The following BACH2 variants were observed in gnomAD, a reference collection of about 807,000 sequenced individuals.
BACH2 encodes the protein BACH transcriptional regulator 2.
In BACH2, 5 loss-of-function variants were observed where a neutral mutation model predicts 61.8. The observed-to-expected ratio is 0.08, with a 90% CI of 0.04 to 0.17. The LOEUF is 0.17. Ranked by LOEUF, BACH2 falls within the 10% of genes least tolerant of loss-of-function variation. The pLI is 1.00. For missense variants in BACH2, 824 were observed against 1,091.1 expected (o/e 0.76, Z 3.45); for synonymous variants, 446 against 440.1 (o/e 1.01, Z -0.17).
At chr6:90,271,546 C>A (rs539960873) in intron 2 of BACH2, among the ~76,000 whole-genome samples, 13 of 152,054 alleles carry the variant, frequency 8.5e-5, no homozygotes, top group Non-Finnish European at 1.0e-4. Context: ...AGCTAATAAA[C>A]TAATTTAAAA....
intron 6 of BACH2, among the ~76,000 whole-genome samples, chr6:89,993,404 T>A (rs1473107270): frequency 3.3e-5 from 5 of 152,160 alleles, no homozygotes; most frequent in Admixed American, 6.5e-5. Flanking sequence ...CTCAGTCTGA[T>A]AAACTGTGAT....
chr6:90,207,131 T>C (rs1769173278), intron 3 of BACH2, among the ~76,000 whole-genome samples: 1 of 151,988 alleles, frequency 6.6e-6, no homozygotes, highest in Non-Finnish European at 1.5e-5. Flanking sequence ...TTGTTTTTGT[T>C]TTTTTGGCAT....
chr6:90,004,296 T>C (rs1476355582), intron 6 of BACH2, among the ~76,000 whole-genome samples: 2 of 152,072 alleles, frequency 1.3e-5, no homozygotes, highest in Non-Finnish European at 2.9e-5. Context: ...CCCAAAATGT[T>C]GAGTGAGAGA....
intron 4 of BACH2, among the ~76,000 whole-genome samples, chr6:90,151,101 T>A (rs1050620921): frequency 1.3e-5 from 2 of 152,228 alleles, no homozygotes; most frequent in African/African-American, 4.8e-5. Context: ...CTACTCAGTG[T>A]TGACTAGCAT....
In BACH2 at chr6:89,966,673, G is replaced by A. The variant is rs376613937; in HGVS notation, c.244-14811C>T. Among the ~76,000 whole-genome samples, 26 of 152,278 alleles carry A rather than the reference G, an allele frequency of 1.7e-4. No individual in the cohort carries two copies. The East Asian group carries it at 2.1e-3, about 12-fold the overall frequency. ...CAAGGGAGGAAATGAAACGGGAGCC[G>A]ATACCATCTATCAGCACAGCCATGG... On this transcript the variant is annotated intron_variant, in intron 6 of 8. Coordinates refer to ENST00000257749, the MANE Select transcript of BACH2 (RefSeq NM_021813.4).
chr6:90,137,618 C>A (rs1784318143), intron 4 of BACH2, among the ~76,000 whole-genome samples: 1 of 152,214 alleles, frequency 6.6e-6, no homozygotes, highest in Non-Finnish European at 1.5e-5. Flanking sequence ...TCTGGACAAA[C>A]ACATTCTTAT....
intron 5 of BACH2, among the ~76,000 whole-genome samples, chr6:90,045,347 G>T (rs1779727086): frequency 6.6e-6 from 1 of 152,126 alleles, no homozygotes; most frequent in Non-Finnish European, 1.5e-5. Flanking sequence ...CACTTTTCTG[G>T]GTGAGCATCT....
intron 2 of BACH2, among the ~76,000 whole-genome samples, chr6:90,262,991 TACA>T (rs1249712632): frequency 1.3e-5 from 2 of 152,014 alleles, no homozygotes; most frequent in East Asian, 1.9e-4. Context: ...CAGAAAAGAG[TACA>T]ACAATTATTT....
chr6:89,965,527 T>C (rs1775003234), intron 6 of BACH2, among the ~76,000 whole-genome samples: 1 of 152,200 alleles, frequency 6.6e-6, no homozygotes, highest in Admixed American at 6.5e-5. Context: ...CCCCACTCCA[T>C]CACTTTCAAT....
chr6:90,118,824 G>T (rs535510885), intron 4 of BACH2, among the ~76,000 whole-genome samples: 2 of 152,240 alleles, frequency 1.3e-5, no homozygotes, highest in Admixed American at 6.5e-5. Flanking sequence ...AGTCATTAAG[G>T]CGTGGGAGCT....
chr6:90,081,509 A>G (rs1289481257), intron 5 of BACH2, among the ~76,000 whole-genome samples: 1 of 152,176 alleles, frequency 6.6e-6, no homozygotes, highest in Admixed American at 6.6e-5. Flanking sequence ...ACCTGAATTG[A>G]GCACATTCAT....
At chr6:90,187,282 T>C (rs1768393713) in intron 4 of BACH2, among the ~76,000 whole-genome samples, 1 of 152,242 alleles carries the variant, frequency 6.6e-6, no homozygotes, top group Non-Finnish European at 1.5e-5. Context: ...CGGAAGTATC[T>C]GTCAAAGTAA....
At chr6:90,061,338 G>C (rs180915609) in intron 5 of BACH2, among the ~76,000 whole-genome samples, 7 of 152,284 alleles carry the variant, frequency 4.6e-5, no homozygotes, top group Admixed American at 2.6e-4. Flanking sequence ...CAGGATCCCT[G>C]GTTGATGGCT....
At position 90,242,135 on chromosome 6, in the gene BACH2, CTCTT is replaced by C. The variant is rs368587678; in HGVS notation, c.-275+10374_-275+10377del. On this transcript the variant is annotated intron_variant, in intron 3 of 8. Coordinates refer to ENST00000257749, the MANE Select transcript of BACH2 (RefSeq NM_021813.4). ...TCAATATAGTTTACATAAGAGTTCACTCTTTATGTTACACAGTTGTATGGGTTTT... is the reference window on the plus strand; with the variant it reads ...TCAATATAGTTTACATAAGAGTTCACTATGTTACACAGTTGTATGGGTTTT... Among the ~76,000 whole-genome samples, 136 of 152,278 alleles carry C rather than the reference CTCTT, an allele frequency of 8.9e-4. 1 individual carries two copies. The highest frequency in any genetic ancestry group is 3.2e-3 in the African/African-American group (132 of 41,554).
At chr6:90,274,982 C>G (rs781737945) in intron 1 of BACH2, among the ~76,000 whole-genome samples, 2 of 152,184 alleles carry the variant, frequency 1.3e-5, no homozygotes, top group Non-Finnish European at 2.9e-5. Flanking sequence ...GTCACTGGGT[C>G]CAAACGCAGG....
intron 1 of BACH2, among the ~76,000 whole-genome samples, chr6:90,295,780 T>G (rs1582577807): frequency 6.6e-6 from 1 of 152,130 alleles, no homozygotes. Flanking sequence ...GCGGGACGCT[T>G]TCCGACAACC....
intron 6 of BACH2, among the ~76,000 whole-genome samples, chr6:90,002,699 G>C (rs1777199759): frequency 6.6e-6 from 1 of 152,224 alleles, no homozygotes; most frequent in African/African-American, 2.4e-5. Flanking sequence ...GAACCTGGGA[G>C]GTGGAGGTGG....
chr6:90,257,276 T>C (rs1354782280), intron 2 of BACH2, among the ~76,000 whole-genome samples: 1 of 152,250 alleles, frequency 6.6e-6, no homozygotes, highest in Non-Finnish European at 1.5e-5. Context: ...ATGGTAGTTC[T>C]GTTTTTAATT....
chr6:90,173,366 A>C (rs1382666664), intron 4 of BACH2, among the ~76,000 whole-genome samples: 16 of 152,192 alleles, frequency 1.1e-4, no homozygotes, highest in Admixed American at 1.0e-3. Flanking sequence ...TGTTCATAGC[A>C]ACTTTATCCA....
Sources: gnomAD v4.1 joint callset for allele counts (sites outside exome capture counted in the v4.1 genomes callset) on GRCh38, gnomAD v4.1.1 for gene constraint, MANE v1.5 for transcripts, NCBI Gene and HGNC (gene_info 2026-07-23, HGNC 2026-07-21) for gene names.